The following SRRM4 variants were observed in gnomAD, a reference collection of about 807,000 sequenced individuals.
SRRM4 encodes serine/arginine repetitive matrix protein 4.
In SRRM4, 33 loss-of-function variants were observed where a neutral mutation model predicts 68.9. The observed-to-expected ratio is 0.48, with a 90% confidence interval of 0.36 to 0.64. The LOEUF (loss-of-function observed/expected upper bound fraction) is 0.64. SRRM4 is among the 30% of genes least tolerant of loss of function. SRRM4 has a pLI of 0.00. For synonymous variants in SRRM4, 318 were observed against 318.8 expected, an observed-to-expected ratio of 1.00 and a Z score of 0.03; for missense variants, 817 against 827.1, an observed-to-expected ratio of 0.99 and a Z score of 0.15.
At chr12:119,022,693 C>T (rs1463060379) in intron 1 of SRRM4, among the ~76,000 whole-genome samples, 1 of 152,218 alleles carries the variant, frequency 6.6e-6, no homozygotes, top group East Asian at 1.9e-4. Flanking sequence ...ACATATATCT[C>T]AAACTGAGCA....
rs1594018079 is a variant in SRRM4 at position 118,994,277 on chromosome 12, A to T, written c.131+12264A>T. ...GGCTCTATAGCATTTATGTCCTATTAACAAGCCAACTCTCAAACTGTCCCC... is the reference window on the plus strand; with the variant it reads ...GGCTCTATAGCATTTATGTCCTATTTACAAGCCAACTCTCAAACTGTCCCC... On this transcript the variant is annotated intron_variant, in intron 1 of 12. Transcript: ENST00000267260. 2.0e-5 allele frequency: 3 copies of T among 152,312 alleles called. No individual in the cohort carries two copies. In the South Asian group the frequency reaches 6.2e-4, roughly 32 times the overall value. The allele number at this position is 152,312 out of a possible 1,614,324, so 9.4% of individuals were successfully genotyped here.
At chr12:119,087,944 C>T (rs1042712141) in intron 1 of SRRM4, among the ~76,000 whole-genome samples, 36 of 152,256 alleles carry the variant, frequency 2.4e-4, no homozygotes, top group African/African-American at 8.2e-4. Context: ...ACAATACCCA[C>T]CTCAAGAGTT....
chr12:119,053,389 G>C (rs549750721), intron 1 of SRRM4, among the ~76,000 whole-genome samples: 3 of 152,150 alleles, frequency 2.0e-5, no homozygotes, highest in Non-Finnish European at 4.4e-5. Flanking sequence ...TGCATAAATG[G>C]ACAGCAATCA....
Position 119,156,888 on chromosome 12 carries a change from G to A in SRRM4, c.*90G>A. On this transcript the variant is annotated 3_prime_UTR_variant, in exon 13 of 13. Coordinates refer to ENST00000267260, the MANE Select transcript of SRRM4 (RefSeq NM_194286.4). ...CTCCCCGCCTTCTTGGTGACAAATA[G>A]TGAGGGCTCCTATACCTTGTCCTTC... is the stretch of plus-strand genomic sequence containing the variant. 1 of 1,421,606 alleles carries A rather than the reference G, an allele frequency of 7.0e-7. No homozygotes were observed. The highest frequency in any genetic ancestry group is 9.3e-7 in the Non-Finnish European group (1 of 1,079,894). 88.1% of individuals were successfully genotyped at this position (1,421,606 alleles called of 1,614,324 possible). A position where few individuals can be genotyped will look rare whatever the true frequency, so the allele number is the denominator to read the frequency against.
chr12:119,070,672 G>A (rs889158973), intron 1 of SRRM4, among the ~76,000 whole-genome samples: 85 of 152,180 alleles, frequency 5.6e-4, no homozygotes, highest in African/African-American at 2.0e-3. Context: ...AAACCAGCAT[G>A]AGAAACCATT....
chr12:119,003,995 A>T (rs909231796), intron 1 of SRRM4, among the ~76,000 whole-genome samples: 5 of 152,106 alleles, frequency 3.3e-5, no homozygotes, highest in African/African-American at 1.2e-4. Context: ...TTAATTGATC[A>T]GTTATTTAAT....
chr12:119,071,498 A>AT (rs1332991798), intron 1 of SRRM4, among the ~76,000 whole-genome samples: 1 of 152,118 alleles, frequency 6.6e-6, no homozygotes, highest in Non-Finnish European at 1.5e-5. Flanking sequence ...TTGCTTTCTA[A>AT]TTTTTTTGCA....
chr12:119,016,627 T>C (rs142034375), intron 1 of SRRM4, among the ~76,000 whole-genome samples: 338 of 152,330 alleles, frequency 2.2e-3, no homozygotes, highest in African/African-American at 7.8e-3. Context: ...TGGGAAAGGT[T>C]AGACCTTGCA....
Position 119,154,625 on chromosome 12 carries a change from G to T in SRRM4, c.1532+242G>T, listed in dbSNP as rs1356155760. 6.6e-6 allele frequency among the ~76,000 whole-genome samples: 1 copy of T among 152,206 alleles called. No homozygotes were observed. Among genetic ancestry groups the T allele is most frequent in the Non-Finnish European group, 1.5e-5 (1 of 68,040 alleles). ...GGGCGGGGCCAGCCTGAAGAATCGGGTGTGGCATGGGGGAGTGGCCAAAGC... is the reference window on the plus strand; with the variant it reads ...GGGCGGGGCCAGCCTGAAGAATCGGTTGTGGCATGGGGGAGTGGCCAAAGC... On this transcript the variant is annotated intron_variant, in intron 12 of 12. Transcript: ENST00000267260. This position sits in a 1 kb window ranked among gnomAD's most constrained non-coding sequence, Gnocchi z 4.7.
At chr12:119,023,841 A>G (rs908171685) in intron 1 of SRRM4, among the ~76,000 whole-genome samples, 11 of 152,176 alleles carry the variant, frequency 7.2e-5, no homozygotes, top group African/African-American at 1.7e-4. Flanking sequence ...ATAGGTGCTC[A>G]ATACGTATTC....
rs778960734 is a variant in SRRM4 at position 119,122,031 on chromosome 12, A to T, written c.465-39A>T. 30 of 1,400,788 alleles carry T rather than the reference A, an allele frequency of 2.1e-5. 1 individual carries two copies. The highest frequency in any genetic ancestry group is 4.2e-5 in the African/African-American group (3 of 70,640). 86.8% of individuals were successfully genotyped at this position (1,400,788 alleles called of 1,614,324 possible). A position where few individuals can be genotyped will look rare whatever the true frequency, so the allele number is the denominator to read the frequency against. On this transcript the variant is annotated intron_variant, in intron 5 of 12. Transcript: ENST00000267260. The stretch of plus-strand genomic sequence containing the variant: ...AACTACTTGTTTATCTTTAACTAGA[A>T]TTTTGCATCTTTCAATTAATTGACC...
At chr12:119,144,608 G>C (rs777688518) in intron 8 of SRRM4, 9 of 152,162 alleles carry the variant, frequency 5.9e-5, no homozygotes, top group Non-Finnish European at 1.0e-4. Flanking sequence ...AGCCACTCAA[G>C]AGCCTTAGCT....
intron 1 of SRRM4, among the ~76,000 whole-genome samples, chr12:119,029,200 C>A (rs911830597): frequency 6.6e-6 from 1 of 152,210 alleles, no homozygotes; most frequent in African/African-American, 2.4e-5. Context: ...CCAGAACCTG[C>A]TCCCTTATTC....
intron 1 of SRRM4, among the ~76,000 whole-genome samples, chr12:119,009,666 C>T (rs1167827533): frequency 6.6e-6 from 1 of 152,160 alleles, no homozygotes; most frequent in Non-Finnish European, 1.5e-5. Context: ...GCAATACCTA[C>T]TCACCGGGTT....
rs184784617 is a variant in SRRM4 at position 118,986,638 on chromosome 12, G to A, written c.131+4625G>A. Among the ~76,000 whole-genome samples, 167 of 152,300 alleles carry A rather than the reference G, an allele frequency of 1.1e-3. No individual in the cohort carries two copies. The Middle Eastern group carries it at 0.017, about 16-fold the overall frequency. ...ATAGACTTGACTCTCCCTGGTGTCA[G>A]AATGAAGTTCCCTAGATAGAGACAT... On this transcript the variant is annotated intron_variant, in intron 1 of 12. Coordinates refer to ENST00000267260, the MANE Select transcript of SRRM4 (RefSeq NM_194286.4).
At position 119,102,311 on chromosome 12, in the gene SRRM4, C is replaced by G. The variant is rs373924054; in HGVS notation, c.207C>G (p.Thr69=). 8 of 1,613,574 alleles carry G rather than the reference C, an allele frequency of 5.0e-6. No individual in the cohort carries two copies. In the Admixed American group the frequency reaches 1.2e-4, roughly 24 times the overall value. ...AAAAGCTGGGTCAGCATCTGGCCAC[C>G]GAGCCCTTGGGCACCAACAGTTGGG... ...PSEKLGQHLA[T]EPLGTNSWER... Residue 69 remains threonine (T), a synonymous_variant, in exon 2 of 13, where the codon ACC becomes ACG. Coordinates refer to ENST00000267260, the MANE Select transcript of SRRM4 (RefSeq NM_194286.4).
intron 2 of SRRM4, among the ~76,000 whole-genome samples, chr12:119,111,980 AG>A (rs1164635999): frequency 6.6e-6 from 1 of 151,760 alleles, no homozygotes; most frequent in African/African-American, 2.4e-5. Context: ...CAGGAGATGG[AG>A]GTTGCAGTGA....
intron 1 of SRRM4, among the ~76,000 whole-genome samples, chr12:119,065,596 G>A (rs911156434): frequency 2.0e-5 from 3 of 152,082 alleles, no homozygotes; most frequent in Non-Finnish European, 2.9e-5. Flanking sequence ...TTAGCCCGGC[G>A]TGGTGGCAAG....
Position 119,117,024 on chromosome 12 carries a change from T to C in SRRM4, c.437+16T>C, listed in dbSNP as rs768154307. ...AGCGACGCAGGTATTGTCCTTTTTCTCTGCAAACAAGACCTCCCCAGGTGG... is the reference window on the plus strand; with the variant it reads ...AGCGACGCAGGTATTGTCCTTTTTCCCTGCAAACAAGACCTCCCCAGGTGG... On this transcript the variant is annotated intron_variant, in intron 4 of 12. Transcript: ENST00000267260. The C allele has an allele frequency of 3.7e-6, 6 of 1,613,354 alleles. No homozygotes were observed. Among genetic ancestry groups the C allele is most frequent in the Non-Finnish European group, 5.1e-6 (6 of 1,179,472 alleles).
Sources: allele counts gnomAD v4.1 joint callset (sites outside exome capture counted in the v4.1 genomes callset), GRCh38; gene constraint gnomAD v4.1.1; non-coding constraint Gnocchi (gnomAD v3.1); transcripts MANE v1.5; gene names NCBI Gene and HGNC (gene_info 2026-07-23, HGNC 2026-07-21).